Variants in TMEM117 observed in about 807,000 individuals in gnomAD.
The protein encoded by TMEM117 is transmembrane protein 117.
TMEM117 carries 27 observed loss-of-function variants against 52.4 expected under a neutral mutation model. The ratio of observed to expected loss-of-function variants is 0.51; its 90% confidence interval spans 0.38 to 0.71. The LOEUF is 0.71. TMEM117 is among the 30% of genes least tolerant of loss of function. The pLI, the probability that TMEM117 is intolerant of heterozygous loss-of-function variation, is 0.00. For synonymous variants in TMEM117, 215 were observed against 206.3 expected, an observed-to-expected ratio of 1.04 and a Z score of -0.36; for missense variants, 556 against 630.5, an observed-to-expected ratio of 0.88 and a Z score of 1.26.
At chr12:44,127,615 G>GT (rs1948347003) in intron 3 of TMEM117, among the ~76,000 whole-genome samples, 1 of 152,018 alleles carries the variant, frequency 6.6e-6, no homozygotes, top group South Asian at 2.1e-4. Flanking sequence ...GGCTGAGGTT[G>GT]TGATGAGCTG....
intron 3 of TMEM117, among the ~76,000 whole-genome samples, chr12:44,087,149 A>G (rs1426040466): frequency 2.0e-5 from 3 of 151,336 alleles, no homozygotes; most frequent in Admixed American, 1.3e-4. Context: ...TTTACTTTTG[A>G]TCTGTGCCAC....
intron 3 of TMEM117, among the ~76,000 whole-genome samples, chr12:44,141,951 C>T (rs1210517141): frequency 1.3e-5 from 2 of 152,136 alleles, no homozygotes; most frequent in African/African-American, 4.8e-5. Context: ...TACTAAGCTA[C>T]TTGTGGACAG....
At position 43,944,242 on chromosome 12, in the gene TMEM117, G is replaced by A; in HGVS notation, c.310G>A (p.Asp104Asn). The change falls in exon 3 of 8, where the codon GAT (aspartate) becomes AAT (asparagine). Residue 104 changes from aspartate (D) to asparagine (N), a missense_variant. Around this residue, in one of 3 missense-constraint regions of TMEM117, gnomAD observed 328 missense variants for 371.4 expected, o/e 0.88. Coordinates refer to ENST00000266534, the MANE Select transcript of TMEM117 (RefSeq NM_032256.3). ...QLLRLKMFRE[D>N]HGSWMTMFFS... is the part of the protein sequence containing the mutation. ...GCTCCGATTAAAAATGTTTCGAGAAGATCATGGGTCGTGGATGACAATGTT... is the reference window on the plus strand; with the variant it reads ...GCTCCGATTAAAAATGTTTCGAGAAAATCATGGGTCGTGGATGACAATGTT... The A allele has an allele frequency of 6.2e-7, 1 of 1,613,320 alleles. No homozygotes were observed. The highest frequency in any genetic ancestry group is 8.5e-7 in the Non-Finnish European group (1 of 1,179,616).
the TMEM117 span, among the ~76,000 whole-genome samples, chr12:44,396,581 C>T: frequency 6.6e-5 from 10 of 151,964 alleles, no homozygotes; most frequent in Non-Finnish European, 1.0e-4. Flanking sequence ...AGGCCGGGTG[C>T]GGTGGCTCAA....
At chr12:43,876,169 T>C (rs1159540568) in intron 2 of TMEM117, among the ~76,000 whole-genome samples, 1 of 152,162 alleles carries the variant, frequency 6.6e-6, no homozygotes, top group Non-Finnish European at 1.5e-5. Context: ...TCCTTTCCGG[T>C]TATTGTTCAC....
At chr12:44,114,442 A>G (rs1389704975) in intron 3 of TMEM117, among the ~76,000 whole-genome samples, 1 of 152,124 alleles carries the variant, frequency 6.6e-6, no homozygotes, top group Non-Finnish European at 1.5e-5. Context: ...TATTGGACAA[A>G]TGGTAAAACT....
the TMEM117 span, among the ~76,000 whole-genome samples, chr12:43,823,872 G>A: frequency 6.6e-6 from 1 of 151,920 alleles, no homozygotes; most frequent in African/African-American, 2.4e-5. Flanking sequence ...TTCCATACCA[G>A]TTCAAATGCT....
At chr12:43,805,268 C>T in the TMEM117 span, among the ~76,000 whole-genome samples, 3 of 152,178 alleles carry the variant, frequency 2.0e-5, no homozygotes, top group Non-Finnish European at 4.4e-5. Context: ...GAGTCAATAA[C>T]TACATATTTA....
rs907713149 is a variant in TMEM117 at position 44,084,263 on chromosome 12, A to G, written c.411-59262A>G. 1.6e-4 allele frequency among the ~76,000 whole-genome samples: 24 copies of G among 152,282 alleles called. No individual in the cohort carries two copies. In the East Asian group the frequency reaches 4.2e-3, roughly 27 times the overall value. ...GACATTTTTATGTTATTTAAACATCATTTATATTATACTTGTACTTTGAAA... is the reference window on the plus strand; with the variant it reads ...GACATTTTTATGTTATTTAAACATCGTTTATATTATACTTGTACTTTGAAA... On this transcript the variant is annotated intron_variant, in intron 3 of 7. Transcript: ENST00000266534.
intron 3 of TMEM117, among the ~76,000 whole-genome samples, chr12:43,959,534 C>G (rs765738662): frequency 2.6e-5 from 4 of 152,112 alleles, no homozygotes; most frequent in African/African-American, 7.2e-5. Context: ...CTTACACAAA[C>G]TTTTTTCCTT....
chr12:44,193,506 A>C (rs989423000), intron 4 of TMEM117, among the ~76,000 whole-genome samples: 17 of 152,302 alleles, frequency 1.1e-4, no homozygotes, highest in Non-Finnish European at 1.9e-4. Context: ...CACTCATGTG[A>C]AACAAAACCC....
At position 44,327,543 on chromosome 12, in the gene TMEM117, G is replaced by A. The variant is rs140751883; in HGVS notation, c.768+27804G>A. On this transcript the variant is annotated intron_variant, in intron 6 of 7. Coordinates refer to ENST00000266534, the MANE Select transcript of TMEM117 (RefSeq NM_032256.3). ...ATAATGTTCATTAAAGTGCCTGCATGTTTTTGCATAACAAAAGAGAATGTG... is the reference window on the plus strand; with the variant it reads ...ATAATGTTCATTAAAGTGCCTGCATATTTTTGCATAACAAAAGAGAATGTG... Among the ~76,000 whole-genome samples the A allele has an allele frequency of 2.7e-3, 405 of 152,246 alleles. 1 individual carries two copies. The highest frequency in any genetic ancestry group is 9.2e-3 in the African/African-American group (384 of 41,564).
At chr12:44,363,878 G>A (rs1951755902) in intron 6 of TMEM117, among the ~76,000 whole-genome samples, 1 of 152,092 alleles carries the variant, frequency 6.6e-6, no homozygotes, top group Non-Finnish European at 1.5e-5. Context: ...TCTGAGTTGG[G>A]AATTAGGGGC....
At chr12:43,971,803 A>G (rs1041283668) in intron 3 of TMEM117, among the ~76,000 whole-genome samples, 13 of 152,172 alleles carry the variant, frequency 8.5e-5, no homozygotes, top group African/African-American at 2.4e-4. Flanking sequence ...AAAATATACA[A>G]TGCATTATTG....
intron 2 of TMEM117, among the ~76,000 whole-genome samples, chr12:43,883,570 A>T (rs1230014636): frequency 6.6e-6 from 1 of 152,226 alleles, no homozygotes; most frequent in Non-Finnish European, 1.5e-5. Flanking sequence ...AGGCTGATGT[A>T]AGAATAGTTA....
intron 6 of TMEM117, among the ~76,000 whole-genome samples, chr12:44,356,845 A>T (rs1951655812): frequency 2.0e-5 from 3 of 150,476 alleles, no homozygotes; most frequent in Admixed American, 6.6e-5. Context: ...TTAACACAAG[A>T]CTCTCCCCAC....
chr12:43,870,617 T>G (rs1225044588), intron 2 of TMEM117, among the ~76,000 whole-genome samples: 3 of 152,160 alleles, frequency 2.0e-5, no homozygotes, highest in Non-Finnish European at 4.4e-5. Context: ...TACCCAGTTA[T>G]ATACCCAGTA....
chr12:44,132,662 T>A (rs986629159), intron 3 of TMEM117, among the ~76,000 whole-genome samples: 3 of 152,190 alleles, frequency 2.0e-5, no homozygotes, highest in Non-Finnish European at 4.4e-5. Flanking sequence ...TAAAATTGCA[T>A]TAAAAATTTC....
intron 3 of TMEM117, among the ~76,000 whole-genome samples, chr12:44,019,761 A>G (rs1946427703): frequency 6.6e-6 from 1 of 152,134 alleles, no homozygotes; most frequent in South Asian, 2.1e-4. Context: ...CCTTCCTTTT[A>G]TTCTTAATTA....
Sources: gnomAD v4.1 joint callset for allele counts (sites outside exome capture counted in the v4.1 genomes callset) on GRCh38, gnomAD v4.1.1 for gene constraint, gnomAD v4.1.1 regional missense constraint, MANE v1.5 for transcripts, NCBI Gene and HGNC (gene_info 2026-07-23, HGNC 2026-07-21) for gene names.